The following TRIM54 variants were observed in gnomAD, a reference collection of about 807,000 sequenced individuals.
The protein encoded by TRIM54 is tripartite motif containing 54.
A neutral mutation model predicts 42.0 loss-of-function variants in TRIM54; 40 were observed. The ratio of observed to expected loss-of-function variants is 0.95; its 90% CI spans 0.74 to 1.24. The LOEUF (loss-of-function observed/expected upper bound fraction) is 1.24, where lower values mean the gene tolerates loss of function less well. Among genes scored for constraint, TRIM54 ranks in the 50% most tolerant of loss-of-function variants. The pLI is 0.00. For synonymous variants in TRIM54, 199 were observed against 194.9 expected, an observed-to-expected ratio of 1.02 and a Z score of -0.17; for missense variants, 485 against 480.3, an observed-to-expected ratio of 1.01 and a Z score of -0.09.
chr2:27,301,289 G>A (rs1476724251), intron 3 of TRIM54, among the ~76,000 whole-genome samples: 1 of 151,976 alleles, frequency 6.6e-6, no homozygotes, highest in Non-Finnish European at 1.5e-5. Context: ...ACAGGCATCC[G>A]CCACCATGAC....
chr2:27,297,674 C>T (rs1481383610), intron 1 of TRIM54, among the ~76,000 whole-genome samples: 5 of 152,114 alleles, frequency 3.3e-5, no homozygotes, highest in African/African-American at 4.8e-5. Flanking sequence ...GGTTGAATAC[C>T]TGCCTAAATT....
chr2:27,304,707 T>C (rs942775483), intron 3 of TRIM54: 6 of 429,066 alleles, frequency 1.4e-5, no homozygotes, highest in Non-Finnish European at 2.1e-5. Context: ...CAGTGTCTGG[T>C]ATCTGGTGGA....
chr2:27,296,908 A>G (rs1361775982), intron 1 of TRIM54, among the ~76,000 whole-genome samples: 3 of 152,022 alleles, frequency 2.0e-5, no homozygotes, highest in Non-Finnish European at 2.9e-5. Context: ...ACAGGTGTGC[A>G]CCACCGTGCC....
chr2:27,306,639 C>T lies in TRIM54; in HGVS notation c.*1+97C>T. On this transcript the variant is annotated intron_variant, in intron 8 of 8. Transcript: ENST00000380075. This position sits in a 1 kb window ranked among gnomAD's most constrained non-coding sequence, Gnocchi z 6.1. Reference sequence around the variant, plus strand: ...TCGCGTCCCCTCCCCCAGTGATTGCCCTCCCTGCGGGTAGCGTGGAGCCCC... The same window carrying T: ...TCGCGTCCCCTCCCCCAGTGATTGCTCTCCCTGCGGGTAGCGTGGAGCCCC... 2 of 1,263,504 alleles carry T rather than the reference C, an allele frequency of 1.6e-6. No homozygotes were observed. The highest frequency in any genetic ancestry group is 2.5e-5 in the East Asian group (1 of 39,294). 78.3% of individuals were successfully genotyped at this position (1,263,504 alleles called of 1,614,324 possible).
At chr2:27,285,040 A>T (rs562021624) in intron 1 of TRIM54, among the ~76,000 whole-genome samples, 1 of 152,254 alleles carries the variant, frequency 6.6e-6, no homozygotes, top group Non-Finnish European at 1.5e-5. Flanking sequence ...AGATAACATG[A>T]TACCCAGGGC....
At chr2:27,298,495 C>A in intron 1 of TRIM54, 72 bp from the exon 2 acceptor site, 1 of 1,309,386 alleles carries the variant, frequency 7.6e-7, no homozygotes, top group Non-Finnish European at 1.1e-6. Flanking sequence ...CCCCCAAGCC[C>A]TTTCCCCCTG....
chr2:27,306,564 T>G lies in TRIM54; in HGVS notation c.*1+22T>G. 6.6e-6 allele frequency: 10 copies of G among 1,523,228 alleles called. No individual in the cohort carries two copies. The highest frequency in any genetic ancestry group is 8.8e-6 in the Non-Finnish European group (10 of 1,134,440). 94.4% of individuals were successfully genotyped at this position (1,523,228 alleles called of 1,614,324 possible). On this transcript the variant is annotated intron_variant, in intron 8 of 8. Coordinates refer to ENST00000380075, the MANE Select transcript of TRIM54 (RefSeq NM_187841.3). The surrounding 1 kb of genome is among the most constrained non-coding windows in gnomAD (Gnocchi z 6.1). ...TAAGGTGAGAGCCGCCCGATGGGCC[T>G]TAAGGTGAGAGCGGCCTGAGGGGCT...
In TRIM54 at chr2:27,307,034, G is replaced by A. The variant is rs550660239; in HGVS notation, c.*149G>A. The stretch of plus-strand genomic sequence containing the variant: ...TCCCAGACCCGTATCTCCTTTCGCT[G>A]CCCAACCCCGCAGCCTGGGCTTCGA... On this transcript the variant is annotated 3_prime_UTR_variant, in exon 9 of 9. Coordinates refer to ENST00000380075, the MANE Select transcript of TRIM54 (RefSeq NM_187841.3). The surrounding 1 kb of genome is among the most constrained non-coding windows in gnomAD (Gnocchi z 6.9). The A allele has an allele frequency of 3.3e-4, 76 of 229,796 alleles. No individual in the cohort carries two copies. The highest frequency in any genetic ancestry group is 1.6e-3 in the African/African-American group (68 of 42,788). The allele number at this position is 229,796 out of a possible 1,614,324, so 14.2% of individuals were successfully genotyped here.
At position 27,298,610 on chromosome 2, in the gene TRIM54, C is replaced by T. The variant is rs1254953879; in HGVS notation, c.212C>T (p.Ser71Phe). The T allele has an allele frequency of 6.2e-7, 1 of 1,614,168 alleles. No homozygotes were observed. The highest frequency in any genetic ancestry group is 2.2e-5 in the East Asian group (1 of 44,884). Residue 71 changes from serine (S) to phenylalanine (F), a missense_variant, in exon 2 of 9, where the codon TCT (serine) becomes TTT (phenylalanine). Coordinates refer to ENST00000380075, the MANE Select transcript of TRIM54 (RefSeq NM_187841.3). ...CAGTCCCGGGGCTCCACCACTGTGT[C>T]TTCAGGAGGCCGTTTCCGCTGCCCA... Reference protein sequence around the residue: ...LWQSRGSTTVSSGGRFRCPSC... With the variant: ...LWQSRGSTTVFSGGRFRCPSC...
Position 27,282,609 on chromosome 2 carries a change from A to G in TRIM54, c.-123A>G, listed in dbSNP as rs1386648212. The G allele has an allele frequency of 6.5e-6, 7 of 1,077,964 alleles. No individual in the cohort carries two copies. The highest frequency in any genetic ancestry group is 5.7e-4 in the Middle Eastern group (2 of 3,488). 66.8% of individuals were successfully genotyped at this position (1,077,964 alleles called of 1,614,324 possible). A position where few individuals can be genotyped will look rare whatever the true frequency, so the allele number is the denominator to read the frequency against. On this transcript the variant is annotated 5_prime_UTR_variant, in exon 1 of 9. Coordinates refer to ENST00000380075, the MANE Select transcript of TRIM54 (RefSeq NM_187841.3). Reference sequence around the variant, plus strand: ...AAGTTGTTAAAGGGACAGGAGAGAAAGCAGAGCTATTTCAAGAGTGAGCCA... The same window carrying G: ...AAGTTGTTAAAGGGACAGGAGAGAAGGCAGAGCTATTTCAAGAGTGAGCCA...
intron 1 of TRIM54, among the ~76,000 whole-genome samples, chr2:27,285,874 T>C (rs992362592): frequency 6.6e-6 from 1 of 151,954 alleles, no homozygotes; most frequent in Non-Finnish European, 1.5e-5. Flanking sequence ...TTTTTGGGAA[T>C]TGTGATTTTA....
intron 1 of TRIM54, 92 bp downstream of exon 1, chr2:27,282,991 A>G: frequency 1.4e-6 from 2 of 1,387,942 alleles, no homozygotes; most frequent in East Asian, 2.5e-5. Context: ...AAGGTGATGG[A>G]TAGAGTGCTC....
At chr2:27,300,094 A>G (rs1678988522) in intron 3 of TRIM54, among the ~76,000 whole-genome samples, 2 of 152,138 alleles carry the variant, frequency 1.3e-5, no homozygotes, top group African/African-American at 4.8e-5. Context: ...CTACCACCTC[A>G]ATCTCCCAAG....
chr2:27,303,970 T>A (rs1679108859), intron 3 of TRIM54, among the ~76,000 whole-genome samples: 2 of 152,138 alleles, frequency 1.3e-5, no homozygotes, highest in African/African-American at 4.8e-5. Context: ...CCCGACACTT[T>A]GGGAGGCTGA....
Position 27,305,754 on chromosome 2 carries a change from C to T in TRIM54, c.780C>T (p.Ser260=). ...IRQYGDHLEA[S]SKLVESAIQS... is the part of the protein sequence containing the mutation. ...AGTATGGCGACCACCTGGAGGCCTCCTCTAAGCTGGTGGAGTCTGCCATCC... is the reference window on the plus strand; with the variant it reads ...AGTATGGCGACCACCTGGAGGCCTCTTCTAAGCTGGTGGAGTCTGCCATCC... The change falls in exon 5 of 9, where the codon TCC becomes TCT. Residue 260 remains serine, a synonymous_variant. Transcript: ENST00000380075. 3 of 1,611,782 alleles carry T rather than the reference C, an allele frequency of 1.9e-6. No individual in the cohort carries two copies. The highest frequency in any genetic ancestry group is 2.5e-6 in the Non-Finnish European group (3 of 1,178,994).
intron 1 of TRIM54, among the ~76,000 whole-genome samples, chr2:27,292,164 A>T (rs1303670850): frequency 6.6e-6 from 1 of 152,154 alleles, no homozygotes; most frequent in African/African-American, 2.4e-5. Context: ...GGTGTTGAAG[A>T]GGTGGTGTTA....
chr2:27,299,248 G>A lies in TRIM54; in HGVS notation c.345G>A (p.Pro115=), dbSNP rs1302721341. 7.4e-6 allele frequency: 12 copies of A among 1,613,736 alleles called. No individual in the cohort carries two copies. The highest frequency in any genetic ancestry group is 4.4e-5 in the South Asian group (4 of 91,072). ...IDIYKQESSR[P]LHSKAEQHLM... is the part of the protein sequence containing the mutation. ...CCCCCTGCCCACTCCTCTCTAGGCC[G>A]CTGCACTCCAAGGCTGAGCAGCACC... Residue 115 remains proline, a synonymous_variant, in exon 3 of 9, where the codon CCG becomes CCA. Transcript: ENST00000380075.
intron 1 of TRIM54, among the ~76,000 whole-genome samples, chr2:27,283,324 G>T (rs762806922): frequency 2.6e-5 from 4 of 152,104 alleles, no homozygotes; most frequent in Admixed American, 1.3e-4. Context: ...AACAAAACCC[G>T]ACCCTGTGAG....
chr2:27,305,598 G>A lies in TRIM54; in HGVS notation c.624G>A (p.Arg208=). The change falls in exon 5 of 9, where the codon AGG becomes AGA. Residue 208 remains arginine (R), a synonymous_variant. Transcript: ENST00000380075. ...CCATCTTTTAGGACAATAGCCGGAG[G>A]CAGAAGCAGTTGTTAAACCAGAGGT... is the stretch of plus-strand genomic sequence containing the variant. ...VCQTIEDNSR[R]QKQLLNQRFE... is the part of the protein sequence containing the mutation. 6.2e-7 allele frequency: 1 copy of A among 1,613,256 alleles called. No individual in the cohort carries two copies. Among genetic ancestry groups the A allele is most frequent in the South Asian group, 1.1e-5 (1 of 90,972 alleles).
Sources: allele counts gnomAD v4.1 joint callset (sites outside exome capture counted in the v4.1 genomes callset), GRCh38; gene constraint gnomAD v4.1.1; non-coding constraint Gnocchi (gnomAD v3.1); transcripts MANE v1.5; gene names NCBI Gene and HGNC (gene_info 2026-07-23, HGNC 2026-07-21).